The following CTNNA2 variants were observed in gnomAD, a reference collection of about 807,000 sequenced individuals.
CTNNA2 encodes catenin alpha 2.
A neutral mutation model predicts 101.0 loss-of-function variants in CTNNA2; 42 were observed. The ratio of observed to expected loss-of-function variants is 0.42; its 90% CI spans 0.32 to 0.54. The LOEUF (loss-of-function observed/expected upper bound fraction) is 0.54. Among genes scored for constraint, CTNNA2 ranks in the 20% least tolerant of loss-of-function variants. The pLI, the probability that CTNNA2 is intolerant of heterozygous loss-of-function variation, is 0.14. For synonymous variants in CTNNA2, 450 were observed against 456.4 expected (o/e 0.99, Z 0.18); for missense variants, 871 against 1,223.1 (o/e 0.71, Z 4.29).
chr2:79,192,447 G>T (rs1673887121), intron 1 of CTNNA2, among the ~76,000 whole-genome samples: 1 of 152,076 alleles, frequency 6.6e-6, no homozygotes, highest in Admixed American at 6.6e-5. Context: ...GGCCATGATG[G>T]TCTGGGTAGA....
At chr2:79,677,120 AAGTTAC>A (rs1156352006) in intron 2 of CTNNA2, among the ~76,000 whole-genome samples, 1 of 152,186 alleles carries the variant, frequency 6.6e-6, no homozygotes, top group Non-Finnish European at 1.5e-5. Flanking sequence ...GTTTTCAAAT[AAGTTAC>A]AGTTATTCAT....
In CTNNA2 at chr2:80,602,282, A is replaced by G. The variant is rs540413286; in HGVS notation, c.2190-1792A>G. On this transcript the variant is annotated intron_variant, in intron 15 of 18. Transcript: ENST00000402739. ...TGCTTCTTTTCATTCTTTGTCTACA[A>G]TATGGGGGCCTGAGCATCAAGCAGA... 4.6e-5 allele frequency among the ~76,000 whole-genome samples: 7 copies of G among 152,116 alleles called. 1 individual carries two copies. In the South Asian group the frequency reaches 1.4e-3, roughly 32 times the overall value.
chr2:79,686,130 T>C (rs1263930747), intron 2 of CTNNA2, among the ~76,000 whole-genome samples: 1 of 152,060 alleles, frequency 6.6e-6, no homozygotes, highest in African/African-American at 2.4e-5. Context: ...AAAAAATTAG[T>C]TTGGCTGGTA....
chr2:79,486,714 C>G (rs1224060888), intron 4 of CTNNA2, among the ~76,000 whole-genome samples: 1 of 152,180 alleles, frequency 6.6e-6, no homozygotes, highest in Non-Finnish European at 1.5e-5. Flanking sequence ...TTTCCTATTT[C>G]TCCACATCCT....
At chr2:79,741,345 G>A (rs1671272809) in intron 2 of CTNNA2, among the ~76,000 whole-genome samples, 1 of 152,066 alleles carries the variant, frequency 6.6e-6, no homozygotes, top group South Asian at 2.1e-4. Context: ...CGAACTGAAT[G>A]AGAGGATATT....
rs989432779 is a variant in CTNNA2 at position 79,475,675 on chromosome 2, A to T, written c.-134-29379A>T. On this transcript the variant is annotated intron_variant, in intron 4 of 21. Transcript: ENST00000466387. ...CAATATAGCTTATTTTTCATCTTTG[A>T]ATACTTTTTTTTTTGCTTTATGTAG... Among the ~76,000 whole-genome samples, 6 of 77,824 alleles carry T rather than the reference A, an allele frequency of 7.7e-5. No homozygotes were observed. The East Asian group carries it at 1.9e-3, about 25-fold the overall frequency. The allele number at this position is 77,824 out of a possible 152,430, so 51.1% of individuals were successfully genotyped here.
chr2:80,152,329 T>A (rs985194043), intron 7 of CTNNA2, among the ~76,000 whole-genome samples: 1 of 151,870 alleles, frequency 6.6e-6, no homozygotes, highest in Non-Finnish European at 1.5e-5. Flanking sequence ...TTTTTTTTTT[T>A]TTATTCCATG....
At chr2:79,294,241 G>GAAGAAGAAGAAGAAGAAGAAGAAGAAGAA (rs397973299) in intron 2 of CTNNA2, among the ~76,000 whole-genome samples, 8 of 133,156 alleles carry the variant, frequency 6.0e-5, no homozygotes, top group African/African-American at 2.0e-4. Context: ...AAGAAGAAGA[G>GAAGAAGAAGAAGAAGAAGAAGAAGAAGAA]GAGGAGGAGG....
intron 1 of CTNNA2, chr2:79,634,794 G>A (rs1679910742): frequency 6.6e-6 from 1 of 152,288 alleles, no homozygotes; most frequent in East Asian, 1.9e-4. Flanking sequence ...AAGTCTTAGA[G>A]GAATGGGAGA....
intron 3 of CTNNA2, among the ~76,000 whole-genome samples, chr2:79,796,867 G>T (rs1675747519): frequency 6.6e-6 from 1 of 152,156 alleles, no homozygotes; most frequent in Non-Finnish European, 1.5e-5. Context: ...CTGGAGTACT[G>T]TGTTAGCCCT....
At chr2:79,288,459 G>C (rs1230094194) in intron 2 of CTNNA2, among the ~76,000 whole-genome samples, 1 of 152,202 alleles carries the variant, frequency 6.6e-6, no homozygotes, top group Non-Finnish European at 1.5e-5. Context: ...ATGGAATTCA[G>C]GTAACTGCTG....
intron 3 of CTNNA2, among the ~76,000 whole-genome samples, chr2:79,830,141 C>T (rs1353709183): frequency 6.6e-6 from 1 of 152,060 alleles, no homozygotes; most frequent in Non-Finnish European, 1.5e-5. Flanking sequence ...GGGTGCAATA[C>T]GAAACATGTC....
intron 7 of CTNNA2, among the ~76,000 whole-genome samples, chr2:80,129,366 C>A (rs564197147): frequency 6.6e-6 from 1 of 152,144 alleles, no homozygotes; most frequent in East Asian, 1.9e-4. Context: ...AAAGGAGTAG[C>A]GAGTTAAAGC....
At chr2:80,394,525 G>A (rs1677821370) in intron 8 of CTNNA2, among the ~76,000 whole-genome samples, 1 of 152,322 alleles carries the variant, frequency 6.6e-6, no homozygotes, top group Middle Eastern at 3.4e-3. Flanking sequence ...GTAACTAACA[G>A]CAAATGAATA....
chr2:80,149,216 T>C (rs1338935144), intron 7 of CTNNA2, among the ~76,000 whole-genome samples: 1 of 152,076 alleles, frequency 6.6e-6, no homozygotes, highest in Admixed American at 6.6e-5. Context: ...AAAGTGTTTT[T>C]TGTAGAGACA....
At chr2:80,451,519 C>G (rs1006060855) in intron 9 of CTNNA2, among the ~76,000 whole-genome samples, 1 of 152,158 alleles carries the variant, frequency 6.6e-6, no homozygotes, top group African/African-American at 2.4e-5. Flanking sequence ...GACTAATACA[C>G]TGACCCCTGG....
chr2:80,495,296 T>C, intron 9 of CTNNA2, among the ~76,000 whole-genome samples: 1 of 152,214 alleles, frequency 6.6e-6, no homozygotes, highest in East Asian at 1.9e-4. Context: ...GTTTCCTGTG[T>C]TTCTCACTGT....
intron 1 of CTNNA2, among the ~76,000 whole-genome samples, chr2:79,583,360 C>G (rs1311909188): frequency 2.0e-5 from 3 of 151,834 alleles, no homozygotes; most frequent in Non-Finnish European, 4.4e-5. Flanking sequence ...AGTATCCAGT[C>G]ATAATTAATG....
intron 2 of CTNNA2, among the ~76,000 whole-genome samples, chr2:79,241,337 A>G (rs1011537690): frequency 6.6e-6 from 1 of 152,236 alleles, no homozygotes; most frequent in Non-Finnish European, 1.5e-5. Context: ...GAATGACATA[A>G]CACTAAAGAG....
Sources: gnomAD v4.1 joint callset for allele counts (sites outside exome capture counted in the v4.1 genomes callset) on GRCh38, gnomAD v4.1.1 for gene constraint, MANE v1.5 for transcripts, NCBI Gene and HGNC (gene_info 2026-07-23, HGNC 2026-07-21) for gene names.